Variants in ANKRD27 observed in about 807,000 individuals in gnomAD.
ANKRD27 encodes ankyrin repeat domain-containing protein 27.
Under a neutral mutation model 129.7 loss-of-function variants are expected in ANKRD27, and 112 were observed. The ratio of observed to expected loss-of-function variants is 0.86; its 90% CI spans 0.74 to 1.01. The LOEUF is 1.01. Among genes scored for constraint, ANKRD27 ranks in the 50% least tolerant of loss-of-function variants. The pLI is 0.00. For synonymous variants in ANKRD27, 516 were observed against 511.2 expected (o/e 1.01, Z -0.13); for missense variants, 1,258 against 1,300.5 (o/e 0.97, Z 0.50).
chr19:32,626,836 C>T lies in ANKRD27; in HGVS notation c.1421-9G>A, dbSNP rs1236717726. Reference sequence around the variant, plus strand: ...GATGAGGGATGCCTGCCCTGCAGAGCAGAAGGACGTCACGATGGAGAAGGA... The same window carrying T: ...GATGAGGGATGCCTGCCCTGCAGAGTAGAAGGACGTCACGATGGAGAAGGA... On this transcript the variant is annotated splice_polypyrimidine_tract_variant and intron_variant, in intron 15 of 28. Coordinates refer to ENST00000306065, the MANE Select transcript of ANKRD27 (RefSeq NM_032139.3). 2 of 1,597,730 alleles carry T rather than the reference C, an allele frequency of 1.3e-6. No individual in the cohort carries two copies. The highest frequency in any genetic ancestry group is 1.7e-6 in the Non-Finnish European group (2 of 1,170,182).
In ANKRD27 at chr19:32,649,104, C is replaced by G. The variant is rs144002812; in HGVS notation, c.213+578G>C. Among the ~76,000 whole-genome samples, 53 of 151,830 alleles carry G rather than the reference C, an allele frequency of 3.5e-4. 2 individuals are homozygous for G. In the East Asian group the frequency reaches 9.9e-3, roughly 28 times the overall value. ...ACCTGTGCCTTCCAAGTAGCTAGGA[C>G]TAGAAGCACGCACCATCACGCCTGG... On this transcript the variant is annotated intron_variant, in intron 3 of 28. Coordinates refer to ENST00000306065, the MANE Select transcript of ANKRD27 (RefSeq NM_032139.3).
rs1966988021 is a variant in ANKRD27, at chr19:32,631,336, T to C, written c.1209+66A>G. 8 of 1,442,868 alleles carry C rather than the reference T, an allele frequency of 5.5e-6. No individual in the cohort carries two copies. The Admixed American group carries it at 6.8e-5, about 12-fold the overall frequency. 89.4% of individuals were successfully genotyped at this position (1,442,868 alleles called of 1,614,324 possible). A position where few individuals can be genotyped will look rare whatever the true frequency, so the allele number is the denominator to read the frequency against. On this transcript the variant is annotated intron_variant, in intron 13 of 28. Transcript: ENST00000306065. ...GCCTGGCCAACCCTGATGGATTTTA[T>C]AGAGGCACCAAGAGATGCAGTGTTC...
Position 32,605,859 on chromosome 19 carries a change from G to C in ANKRD27, c.2469C>G (p.His823Gln), listed in dbSNP as rs187687938. Residue 823 changes from histidine (H) to glutamine (Q), a missense_variant, in exon 24 of 29, where the codon CAC becomes CAG. Physicochemically the swap from His to Gln is conservative, Grantham distance 24. Coordinates refer to ENST00000306065, the MANE Select transcript of ANKRD27 (RefSeq NM_032139.3). Reference sequence around the variant, plus strand: ...CCTGTAGCAGCAGTGCCACAAGCTCGTGATGGCCACCGGAGCAGGCGTAAA... The same window carrying C: ...CCTGTAGCAGCAGTGCCACAAGCTCCTGATGGCCACCGGAGCAGGCGTAAA... ...PLIYACSGGH[H>Q]ELVALLLQHG... 2.5e-6 allele frequency: 4 copies of C among 1,613,802 alleles called. No homozygotes were observed. Among genetic ancestry groups the C allele is most frequent in the Non-Finnish European group, 3.4e-6 (4 of 1,179,914 alleles).
intron 15 of ANKRD27, 52 bp downstream of exon 15, chr19:32,628,031 G>T (rs1966921825): frequency 8.3e-6 from 13 of 1,557,482 alleles, no homozygotes; most frequent in Middle Eastern, 1.8e-4. Flanking sequence ...GTCACCTTGG[G>T]CACCATCCCT....
chr19:32,652,708 A>C (rs1228200533), intron 2 of ANKRD27, among the ~76,000 whole-genome samples: 7 of 152,028 alleles, frequency 4.6e-5, no homozygotes, highest in African/African-American at 1.7e-4. Flanking sequence ...CGGGTGGATC[A>C]CTTGAGTCCA....
chr19:32,616,037 A>G (rs1436303410), intron 21 of ANKRD27, among the ~76,000 whole-genome samples: 3 of 152,114 alleles, frequency 2.0e-5, no homozygotes, highest in African/African-American at 7.2e-5. Context: ...GATGGCTTTA[A>G]AACTCTAGTC....
chr19:32,618,294 C>A (rs1971953179), intron 20 of ANKRD27, among the ~76,000 whole-genome samples: 1 of 151,524 alleles, frequency 6.6e-6, no homozygotes, highest in Admixed American at 6.6e-5. Flanking sequence ...CGCCAGCCAC[C>A]CCTATGATTT....
In ANKRD27 at chr19:32,626,758, G is replaced by A. The variant is rs780455681; in HGVS notation, c.1490C>T (p.Ala497Val). The change falls in exon 16 of 29, where the codon GCC becomes GTC. Residue 497 changes from alanine (A) to valine (V), a missense_variant. Coordinates refer to ENST00000306065, the MANE Select transcript of ANKRD27 (RefSeq NM_032139.3). The part of the protein sequence containing the change: ...AMVNATDYHG[A>V]TPLHLACQKG... ...CTGACAGGCCAGGTGGAGCGGAGTG[G>A]CTCCATGGTAGTCTGTGGCATTTAC... is the stretch of plus-strand genomic sequence containing the variant. The A allele has an allele frequency of 4.3e-6, 7 of 1,612,436 alleles. No individual in the cohort carries two copies. The highest frequency in any genetic ancestry group is 2.2e-5 in the East Asian group (1 of 44,802).
chr19:32,606,049 A>T (rs989977854), intron 23 of ANKRD27, 95 bp from the exon 24 acceptor site: 6 of 1,176,684 alleles, frequency 5.1e-6, no homozygotes, highest in African/African-American at 1.6e-5. Flanking sequence ...AAATAAATAA[A>T]ATAAGAAAAC....
At chr19:32,667,876 G>T (rs565712296) in intron 1 of ANKRD27, among the ~76,000 whole-genome samples, 10 of 151,440 alleles carry the variant, frequency 6.6e-5, no homozygotes, top group African/African-American at 1.2e-4. Context: ...TTGAGCCTGG[G>T]GCCTTCTCTC....
Position 32,662,225 on chromosome 19 carries a change from C to T in ANKRD27, c.-30-3180G>A, listed in dbSNP as rs138982315. Among the ~76,000 whole-genome samples the T allele has an allele frequency of 3.3e-3, 485 of 144,862 alleles. 2 individuals are homozygous for T. The highest frequency in any genetic ancestry group is 6.7e-3 in the Admixed American group (93 of 13,878). On this transcript the variant is annotated intron_variant, in intron 1 of 28. Coordinates refer to ENST00000306065, the MANE Select transcript of ANKRD27 (RefSeq NM_032139.3). Reference sequence around the variant, plus strand: ...TGCCTGGGAGGCTGAGGCAAAGAATCGCTTGAACTCAGGAGGCAGAGATTG... The same window carrying T: ...TGCCTGGGAGGCTGAGGCAAAGAATTGCTTGAACTCAGGAGGCAGAGATTG...
At chr19:32,636,447 T>C (rs1024405039) in intron 12 of ANKRD27, 5 of 151,542 alleles carry the variant, frequency 3.3e-5, no homozygotes, top group East Asian at 1.9e-4. Flanking sequence ...AAGGATGTGA[T>C]TGAGGAGTGC....
rs1971587797 is a variant in ANKRD27 at position 32,597,535 on chromosome 19, C to T, written c.*610G>A. Reference sequence around the variant, plus strand: ...GAAGGAAAATGATAACCACCCTTTCCCATGTGCATGATGTGGAACAGGTCT... The same window carrying T: ...GAAGGAAAATGATAACCACCCTTTCTCATGTGCATGATGTGGAACAGGTCT... On this transcript the variant is annotated 3_prime_UTR_variant, in exon 29 of 29. Coordinates refer to ENST00000306065, the MANE Select transcript of ANKRD27 (RefSeq NM_032139.3). 6.5e-6 allele frequency: 1 copy of T among 153,710 alleles called. No homozygotes were observed. 9.5% of individuals were successfully genotyped at this position (153,710 alleles called of 1,614,324 possible).
At chr19:32,637,800 C>T (rs748438088) in intron 12 of ANKRD27, 1 of 152,418 alleles carries the variant, frequency 6.6e-6, no homozygotes, top group Non-Finnish European at 1.5e-5. Flanking sequence ...CTCCTGGCAC[C>T]GACTTCAATT....
At chr19:32,625,312 A>G (rs1256906375) in intron 17 of ANKRD27, among the ~76,000 whole-genome samples, 1 of 152,194 alleles carries the variant, frequency 6.6e-6, no homozygotes, top group Non-Finnish European at 1.5e-5. Context: ...GAATATGTAC[A>G]CAAGTAAGAA....
chr19:32,597,551 G>C lies in ANKRD27; in HGVS notation c.*594C>G, dbSNP rs1444766068. ...CACCCTTTCCCATGTGCATGATGTG[G>C]AACAGGTCTGATGCATCCTTTCACT... On this transcript the variant is annotated 3_prime_UTR_variant, in exon 29 of 29. Transcript: ENST00000306065. The C allele has an allele frequency of 1.9e-5, 3 of 155,476 alleles. No individual in the cohort carries two copies. Among genetic ancestry groups the C allele is most frequent in the Non-Finnish European group, 4.3e-5 (3 of 69,728 alleles). The allele number at this position is 155,476 out of a possible 1,614,324, so 9.6% of individuals were successfully genotyped here.
At chr19:32,649,859 T>C in intron 2 of ANKRD27, 67 bp from the exon 3 acceptor site, 2 of 1,047,840 alleles carry the variant, frequency 1.9e-6, no homozygotes, top group Non-Finnish European at 3.0e-6. Context: ...GAACAAGGTG[T>C]CCCCAAAGGC....
At chr19:32,604,530 G>A in intron 24 of ANKRD27, 106 bp from the exon 25 acceptor site, 1 of 1,180,218 alleles carries the variant, frequency 8.5e-7, no homozygotes, top group Non-Finnish European at 1.1e-6. Flanking sequence ...TTTTTTTTAT[G>A]TCTGAAAGTT....
chr19:32,643,380 G>A, intron 7 of ANKRD27, 28 bp from the exon 8 acceptor site: 1 of 1,613,812 alleles, frequency 6.2e-7, no homozygotes. Context: ...CCCATTCAGG[G>A]TGTGAGCGGG....
Sources: allele counts gnomAD v4.1 joint callset (sites outside exome capture counted in the v4.1 genomes callset), GRCh38; gene constraint gnomAD v4.1.1; transcripts MANE v1.5; gene names NCBI Gene and HGNC (gene_info 2026-07-23, HGNC 2026-07-21).